Variants in GPC5 observed in about 807,000 individuals in gnomAD.
GPC5 encodes glypican 5, also known as glypican-5.
GPC5 carries 47 observed loss-of-function variants against 53.9 expected under a neutral mutation model. That is an observed-to-expected ratio of 0.87 (90% CI 0.69 to 1.11). The LOEUF (loss-of-function observed/expected upper bound fraction) is 1.11, where lower values mean the gene tolerates loss of function less well. Ranked by LOEUF, GPC5 falls within the 50% of genes most tolerant of loss-of-function variation. The pLI, the probability that GPC5 is intolerant of heterozygous loss-of-function variation, is 0.00. For synonymous variants in GPC5, 286 were observed against 263.3 expected (o/e 1.09, Z -0.84); for missense variants, 748 against 713.1 (o/e 1.05, Z -0.56).
chr13:91,981,181 A>G (rs1365178807), intron 6 of GPC5, among the ~76,000 whole-genome samples: 1 of 152,190 alleles, frequency 6.6e-6, no homozygotes, highest in Non-Finnish European at 1.5e-5. Context: ...TAAAGTGATT[A>G]CCAGCATTTT....
At chr13:92,530,976 G>T (rs780506966) in intron 7 of GPC5, among the ~76,000 whole-genome samples, 7 of 152,134 alleles carry the variant, frequency 4.6e-5, no homozygotes, top group Admixed American at 4.6e-4. Context: ...CAGTAGTTAC[G>T]TTCCTCTATA....
intron 2 of GPC5, among the ~76,000 whole-genome samples, chr13:91,675,339 A>G (rs1214374953): frequency 6.6e-6 from 1 of 152,216 alleles, no homozygotes; most frequent in Non-Finnish European, 1.5e-5. Flanking sequence ...CTGAAGATAT[A>G]TGGCACTAAA....
At chr13:92,681,816 G>T (rs1887118746) in intron 7 of GPC5, among the ~76,000 whole-genome samples, 2 of 152,092 alleles carry the variant, frequency 1.3e-5, no homozygotes, top group Admixed American at 6.6e-5. Flanking sequence ...CATTTTCCCT[G>T]TTGGCCTAGA....
chr13:91,520,326 G>C (rs1885735562), intron 2 of GPC5, among the ~76,000 whole-genome samples: 1 of 152,170 alleles, frequency 6.6e-6, no homozygotes, highest in Non-Finnish European at 1.5e-5. Context: ...CTAGTTTCCT[G>C]GTCCCCAGAT....
At chr13:91,614,930 A>G (rs2033655118) in intron 2 of GPC5, among the ~76,000 whole-genome samples, 1 of 152,190 alleles carries the variant, frequency 6.6e-6, no homozygotes, top group African/African-American at 2.4e-5. Context: ...TTCAGTGTCC[A>G]TTTCTTTTGC....
chr13:92,307,921 C>A (rs1385048950), intron 7 of GPC5, among the ~76,000 whole-genome samples: 1 of 152,142 alleles, frequency 6.6e-6, no homozygotes. Flanking sequence ...ATGTTTAATA[C>A]ACCTAAGTGT....
intron 3 of GPC5, among the ~76,000 whole-genome samples, chr13:91,714,112 A>G (rs569012939): frequency 6.6e-6 from 1 of 152,158 alleles, no homozygotes; most frequent in African/African-American, 2.4e-5. Context: ...AATCATCAAG[A>G]CTATTTATCT....
At chr13:91,792,326 A>G (rs2037978900) in intron 5 of GPC5, among the ~76,000 whole-genome samples, 1 of 152,306 alleles carries the variant, frequency 6.6e-6, no homozygotes, top group South Asian at 2.1e-4. Context: ...ACATAGGAGG[A>G]AGACAAAAGA....
intron 7 of GPC5, among the ~76,000 whole-genome samples, chr13:92,586,610 G>T (rs1223135596): frequency 2.0e-5 from 3 of 152,204 alleles, no homozygotes; most frequent in African/African-American, 7.2e-5. Flanking sequence ...AACACCCAGT[G>T]AGCTCAGCTT....
intron 7 of GPC5, among the ~76,000 whole-genome samples, chr13:92,534,408 G>T (rs972852632): frequency 1.3e-5 from 2 of 152,164 alleles, no homozygotes; most frequent in African/African-American, 4.8e-5. Flanking sequence ...CGACAAAACA[G>T]TTGGGCAAAG....
chr13:92,713,653 C>T (rs1362958672), intron 7 of GPC5, among the ~76,000 whole-genome samples: 2 of 149,664 alleles, frequency 1.3e-5, no homozygotes, highest in Non-Finnish European at 3.0e-5. Context: ...TTAGGAAAAT[C>T]CAAGTTAAAA....
At chr13:92,130,325 C>A (rs1263799334) in intron 6 of GPC5, among the ~76,000 whole-genome samples, 2 of 147,680 alleles carry the variant, frequency 1.4e-5, no homozygotes, top group Non-Finnish European at 3.0e-5. Flanking sequence ...TTAGAGGAAG[C>A]AATGATGTTA....
At chr13:92,516,642 A>G (rs1880794573) in intron 7 of GPC5, among the ~76,000 whole-genome samples, 2 of 152,170 alleles carry the variant, frequency 1.3e-5, no homozygotes, top group African/African-American at 2.4e-5. Context: ...GAAGCCTAGG[A>G]ACGTCCTTGT....
chr13:91,412,898 G>T (rs1877914122), intron 1 of GPC5, among the ~76,000 whole-genome samples: 1 of 152,186 alleles, frequency 6.6e-6, no homozygotes, highest in South Asian at 2.1e-4. Context: ...ATATAAGCAT[G>T]TTCATTGTAG....
At chr13:92,038,344 T>G (rs1253982264) in intron 6 of GPC5, among the ~76,000 whole-genome samples, 1 of 139,806 alleles carries the variant, frequency 7.2e-6, no homozygotes, top group Non-Finnish European at 1.5e-5. Flanking sequence ...GAGCATGATC[T>G]ATGCTAGATA....
chr13:92,223,116 T>C (rs1288240250), intron 7 of GPC5, among the ~76,000 whole-genome samples: 1 of 152,002 alleles, frequency 6.6e-6, no homozygotes, highest in Admixed American at 6.6e-5. Context: ...TTAGAACCTA[T>C]TGCTGAACCT....
rs548386368 is a variant in GPC5, at chr13:91,724,128, C to T, written c.1021-4404C>T. On this transcript the variant is annotated intron_variant, in intron 3 of 7. Coordinates refer to ENST00000377067, the MANE Select transcript of GPC5 (RefSeq NM_004466.6). ...TTGTTGTTATAACAGAAAAAATTAC[C>T]AATAGCATAGTTCCTCTGGACAGTT... is the stretch of plus-strand genomic sequence containing the variant. Among the ~76,000 whole-genome samples the T allele has an allele frequency of 8.9e-4, 136 of 152,172 alleles. 3 individuals are homozygous for T. The South Asian group carries it at 0.018, about 20-fold the overall frequency.
chr13:92,824,690 A>C (rs1422297654), intron 7 of GPC5, among the ~76,000 whole-genome samples: 1 of 149,662 alleles, frequency 6.7e-6, no homozygotes, highest in Non-Finnish European at 1.5e-5. Context: ...TTTTAAATCA[A>C]TATCTTACTT....
At chr13:92,591,795 C>T (rs1421595423) in intron 7 of GPC5, among the ~76,000 whole-genome samples, 4 of 152,164 alleles carry the variant, frequency 2.6e-5, no homozygotes, top group African/African-American at 9.7e-5. Context: ...CTACTCTCTA[C>T]TTCTATGAGA....
Sources: gnomAD v4.1 joint callset for allele counts (sites outside exome capture counted in the v4.1 genomes callset) on GRCh38, gnomAD v4.1.1 for gene constraint, MANE v1.5 for transcripts, NCBI Gene and HGNC (gene_info 2026-07-23, HGNC 2026-07-21) for gene names.